The following CNTN5 variants were observed in gnomAD, a reference collection of about 807,000 sequenced individuals.
The protein encoded by CNTN5 is contactin-5.
A neutral mutation model predicts 129.1 loss-of-function variants in CNTN5; 77 were observed. That is an observed-to-expected ratio of 0.60 (90% CI 0.50 to 0.72). CNTN5 has a LOEUF of 0.72. Ranked by LOEUF, CNTN5 falls within the 30% of genes least tolerant of loss-of-function variation. The pLI is 0.00. For synonymous variants in CNTN5, 509 were observed against 465.6 expected (o/e 1.09, Z -1.20); for missense variants, 1,478 against 1,328.8 (o/e 1.11, Z -1.75).
intron 2 of CNTN5, among the ~76,000 whole-genome samples, chr11:99,520,085 T>C (rs2135435784): frequency 6.6e-6 from 1 of 152,240 alleles, no homozygotes; most frequent in African/African-American, 2.4e-5. Context: ...TCACCCTGGC[T>C]TTTATAGCAC....
chr11:99,955,830 C>T (rs1200144317), intron 7 of CNTN5, among the ~76,000 whole-genome samples: 1 of 152,158 alleles, frequency 6.6e-6, no homozygotes, highest in East Asian at 1.9e-4. Flanking sequence ...TCCTAAAGTG[C>T]CAGGAGTACG....
intron 3 of CNTN5, among the ~76,000 whole-genome samples, chr11:99,560,821 G>C (rs1348783869): frequency 6.6e-6 from 1 of 152,080 alleles, no homozygotes; most frequent in Non-Finnish European, 1.5e-5. Context: ...TCTCACTGTT[G>C]GTGTGGGAGA....
intron 13 of CNTN5, among the ~76,000 whole-genome samples, chr11:100,171,568 C>T (rs894359277): frequency 5.3e-5 from 8 of 152,004 alleles, no homozygotes; most frequent in Non-Finnish European, 1.0e-4. Flanking sequence ...TGATTCAATG[C>T]CACCTCAACT....
At chr11:99,337,609 A>T (rs552855466) in intron 2 of CNTN5, among the ~76,000 whole-genome samples, 1 of 152,218 alleles carries the variant, frequency 6.6e-6, no homozygotes, top group South Asian at 2.1e-4. Context: ...CCGTAAACCC[A>T]CAACCTTCCA....
intron 3 of CNTN5, among the ~76,000 whole-genome samples, chr11:99,602,332 G>T (rs1045976757): frequency 1.3e-5 from 2 of 152,032 alleles, no homozygotes; most frequent in African/African-American, 4.8e-5. Context: ...AATAGATTTA[G>T]TTAGTAGAAA....
chr11:99,637,010 CAAAAAAAAAAAAAAA>C (rs869133131), intron 3 of CNTN5, among the ~76,000 whole-genome samples: 4 of 7,824 alleles, frequency 5.1e-4, no homozygotes, highest in African/African-American at 1.1e-3. Context: ...AACTTTGTCT[CAAAAAAAAAAAAAAA>C]AAAAAAAAAA....
chr11:99,962,384 AC>A (rs1950973167), intron 8 of CNTN5, among the ~76,000 whole-genome samples: 2 of 143,342 alleles, frequency 1.4e-5, no homozygotes, highest in South Asian at 4.5e-4. Context: ...TTCAATTCCC[AC>A]CTATGAGTGA....
At chr11:99,626,076 CACAG>C (rs1951121234) in intron 3 of CNTN5, among the ~76,000 whole-genome samples, 1 of 151,970 alleles carries the variant, frequency 6.6e-6, no homozygotes, top group Non-Finnish European at 1.5e-5. Context: ...GTGAAGGACA[CACAG>C]AGATGTGTTA....
chr11:100,145,913 C>G (rs73565500), intron 13 of CNTN5, among the ~76,000 whole-genome samples: 1 of 152,168 alleles, frequency 6.6e-6, no homozygotes, highest in South Asian at 2.1e-4. Flanking sequence ...TAGCCGTTCT[C>G]TAACAGTCAT....
At chr11:100,238,012 T>G (rs1949656884) in intron 16 of CNTN5, among the ~76,000 whole-genome samples, 1 of 152,116 alleles carries the variant, frequency 6.6e-6, no homozygotes, top group African/African-American at 2.4e-5. Flanking sequence ...TCAAAATGGG[T>G]AGGCATTGTA....
chr11:99,663,038 T>C (rs1186280683), intron 3 of CNTN5, among the ~76,000 whole-genome samples: 1 of 152,222 alleles, frequency 6.6e-6, no homozygotes, highest in African/African-American at 2.4e-5. Flanking sequence ...AACTCATTAG[T>C]TCACATGAGT....
intron 7 of CNTN5, among the ~76,000 whole-genome samples, chr11:99,945,686 C>T (rs999425196): frequency 6.6e-6 from 1 of 151,920 alleles, no homozygotes; most frequent in Non-Finnish European, 1.5e-5. Context: ...TAAACAAGCT[C>T]AAGACTGCAA....
At chr11:100,057,863 G>A (rs955621689) in intron 9 of CNTN5, among the ~76,000 whole-genome samples, 1 of 151,936 alleles carries the variant, frequency 6.6e-6, no homozygotes, top group Non-Finnish European at 1.5e-5. Flanking sequence ...GTAAACTAGG[G>A]TTTTTTGCCT....
At chr11:99,445,247 AT>A (rs1192130703) in intron 2 of CNTN5, among the ~76,000 whole-genome samples, 1 of 151,060 alleles carries the variant, frequency 6.6e-6, no homozygotes, top group Admixed American at 6.6e-5. Context: ...TCCTCCTTTT[AT>A]TTTTATTCTT....
rs560614785 is a variant in CNTN5 at position 99,976,898 on chromosome 11, T to A, written c.877+19889T>A. Among the ~76,000 whole-genome samples the A allele has an allele frequency of 1.1e-4, 16 of 152,362 alleles. No individual in the cohort carries two copies. In the East Asian group the frequency reaches 3.1e-3, roughly 29 times the overall value. ...GTTCTTCCCAGAAAATGGGTTTTTC[T>A]TTTTTATCTCATGGTCAGGCTACAA... is the stretch of plus-strand genomic sequence containing the variant. On this transcript the variant is annotated intron_variant, in intron 8 of 24. Transcript: ENST00000524871.
intron 2 of CNTN5, among the ~76,000 whole-genome samples, chr11:99,431,524 T>C (rs1273405130): frequency 2.0e-5 from 3 of 152,142 alleles, no homozygotes; most frequent in Non-Finnish European, 4.4e-5. Flanking sequence ...CAGGAATTCC[T>C]TGGAGGGGGG....
chr11:100,250,410 C>T (rs58599566), intron 16 of CNTN5, among the ~76,000 whole-genome samples: 1 of 150,904 alleles, frequency 6.6e-6, no homozygotes, highest in East Asian at 1.9e-4. Flanking sequence ...TTCATCTTTC[C>T]TTCTACAAAT....
At chr11:99,831,626 G>A (rs1001508664) in intron 4 of CNTN5, among the ~76,000 whole-genome samples, 2 of 151,512 alleles carry the variant, frequency 1.3e-5, no homozygotes, top group Non-Finnish European at 2.9e-5. Flanking sequence ...TTTTTTTTTG[G>A]TGCAAATTTG....
intron 3 of CNTN5, among the ~76,000 whole-genome samples, chr11:99,787,662 A>T (rs193098635): frequency 2.0e-5 from 3 of 152,196 alleles, no homozygotes; most frequent in Admixed American, 2.0e-4. Flanking sequence ...ATTATTTCAA[A>T]GAAGAAAAAT....
Sources: allele counts gnomAD v4.1 joint callset (sites outside exome capture counted in the v4.1 genomes callset), GRCh38; gene constraint gnomAD v4.1.1; transcripts MANE v1.5; gene names NCBI Gene and HGNC (gene_info 2026-07-23, HGNC 2026-07-21).